NAA16: variants seen among roughly 807,000 people sequenced by gnomAD.
NAA16 encodes the protein N-alpha-acetyltransferase 16, NatA auxiliary subunit, also known as NARG1-like protein.
A neutral mutation model predicts 110.3 loss-of-function variants in NAA16; 97 were observed. That is an observed-to-expected ratio of 0.88 (90% CI 0.75 to 1.04). The LOEUF (loss-of-function observed/expected upper bound fraction) is 1.04. Among genes scored for constraint, NAA16 ranks in the 50% least tolerant of loss-of-function variants. The pLI, the probability that NAA16 is intolerant of heterozygous loss-of-function variation, is 0.00. For synonymous variants in NAA16, 372 were observed against 330.6 expected (o/e 1.13, Z -1.36); for missense variants, 1,017 against 1,005.1 (o/e 1.01, Z -0.16).
chr13:41,325,780 A>G lies in NAA16; in HGVS notation c.620A>G (p.Gln207Arg). ...NQVMREADLLQESLEHIEMYE... is the reference protein window; with the variant it reads ...NQVMREADLLRESLEHIEMYE... Reference sequence around the variant, plus strand: ...GTGATGAGAGAGGCAGATCTGTTGCAGGAATCTTTGGAACATATAGAAATG... The same window carrying G: ...GTGATGAGAGAGGCAGATCTGTTGCGGGAATCTTTGGAACATATAGAAATG... The change falls in exon 6 of 20, where the codon CAG (glutamine) becomes CGG (arginine). Residue 207 changes from glutamine to arginine, a missense_variant. Transcript: ENST00000379406. The G allele has an allele frequency of 6.2e-7, 1 of 1,608,486 alleles. No homozygotes were observed. The highest frequency in any genetic ancestry group is 8.5e-7 in the Non-Finnish European group (1 of 1,175,556).
intron 9 of NAA16, among the ~76,000 whole-genome samples, chr13:41,350,617 T>G (rs1408995980): frequency 3.1e-4 from 7 of 22,740 alleles, no homozygotes; most frequent in African/African-American, 7.6e-4. Context: ...GTTTTTTTTT[T>G]TTGTTTGTTT....
chr13:41,367,052 T>A (rs1201537508), intron 13 of NAA16, among the ~76,000 whole-genome samples: 2 of 152,202 alleles, frequency 1.3e-5, no homozygotes, highest in Non-Finnish European at 2.9e-5. Flanking sequence ...AACCTACACA[T>A]ATTTAGTCTT....
At chr13:41,338,587 G>C (rs2042445496) in intron 9 of NAA16, among the ~76,000 whole-genome samples, 1 of 152,134 alleles carries the variant, frequency 6.6e-6, no homozygotes, top group Non-Finnish European at 1.5e-5. Flanking sequence ...TTGAGCTCCA[G>C]TTATCTGAAT....
chr13:41,353,541 G>T (rs376183359), intron 9 of NAA16, among the ~76,000 whole-genome samples: 128 of 151,174 alleles, frequency 8.5e-4, no homozygotes, highest in African/African-American at 2.9e-3. Flanking sequence ...GAGGCGGGAG[G>T]ATTGCTTGAG....
At chr13:41,359,540 A>G (rs1240873555) in intron 12 of NAA16, among the ~76,000 whole-genome samples, 2 of 152,222 alleles carry the variant, frequency 1.3e-5, no homozygotes, top group Non-Finnish European at 2.9e-5. Flanking sequence ...GCTCAGAAAC[A>G]GATTTCACAC....
In NAA16 at chr13:41,332,666, AAT is replaced by A. The variant is rs1163643935; in HGVS notation, c.907+1299_907+1300del. 5.0e-4 allele frequency among the ~76,000 whole-genome samples: 76 copies of A among 152,346 alleles called. 1 individual carries two copies. The highest frequency in any genetic ancestry group is 1.8e-3 in the African/African-American group (73 of 41,584). On this transcript the variant is annotated intron_variant, in intron 8 of 19. Transcript: ENST00000379406. Reference sequence around the variant, plus strand: ...GACACAAGTCAGAGTCTAGAAAGCTAATACAACTTAAAAGTATTCTGGAGAGG... The same window carrying A: ...GACACAAGTCAGAGTCTAGAAAGCTAACAACTTAAAAGTATTCTGGAGAGG...
In NAA16 at chr13:41,328,802, AT is replaced by A. The variant is rs1194780309; in HGVS notation, c.772del (p.Trp258GlyfsTer16). On this transcript the variant is annotated frameshift_variant, in exon 7 of 20. Coordinates refer to ENST00000379406, the MANE Select transcript of NAA16 (RefSeq NM_024561.5). LOFTEE classifies it high-confidence loss of function. ...AACTTGATTGATCGAAATGCAGAAA[AT>A]TGGTGTTATTATGAAGGCTTGGAAA... Reference protein sequence around the residue: ...FKNLIDRNAENWCYYEGLEKA... With the variant: ...FKNLIDRNAEXWCYYEGLEKA... 1.2e-6 allele frequency: 2 copies of A among 1,607,500 alleles called. No homozygotes were observed. The highest frequency in any genetic ancestry group is 1.7e-6 in the Non-Finnish European group (2 of 1,174,602).
At chr13:41,368,891 G>A (rs903713422) in intron 14 of NAA16, among the ~76,000 whole-genome samples, 199 bp from the exon 15 acceptor site, 3 of 152,084 alleles carry the variant, frequency 2.0e-5, no homozygotes, top group African/African-American at 4.8e-5. Context: ...GTATACAGGA[G>A]GATGTACATA....
At chr13:41,374,498 G>T (rs1438278564) in intron 18 of NAA16, 5 of 289,660 alleles carry the variant, frequency 1.7e-5, no homozygotes, top group Non-Finnish European at 2.6e-5. Context: ...TGTGAAGGAA[G>T]AAGCTCTGAT....
At chr13:41,373,090 TA>T in intron 17 of NAA16, 1 of 903,458 alleles carries the variant, frequency 1.1e-6, no homozygotes. Flanking sequence ...AGCAAAATAA[TA>T]ATAATTTACA....
intron 18 of NAA16, among the ~76,000 whole-genome samples, chr13:41,374,122 G>C (rs1191400696): frequency 6.6e-6 from 1 of 151,318 alleles, no homozygotes; most frequent in Non-Finnish European, 1.5e-5. Context: ...TTTGGGGTGT[G>C]TGGTTATAAA....
intron 9 of NAA16, among the ~76,000 whole-genome samples, chr13:41,338,543 A>C (rs1473600808): frequency 6.6e-6 from 1 of 152,194 alleles, no homozygotes; most frequent in Non-Finnish European, 1.5e-5. Context: ...CAGAACACCA[A>C]GTGTGTTTGC....
At chr13:41,318,979 A>G (rs945691462) in intron 3 of NAA16, 69 bp downstream of exon 3, 4 of 891,892 alleles carry the variant, frequency 4.5e-6, no homozygotes, top group African/African-American at 1.7e-5. Flanking sequence ...TTAAATTTGT[A>G]CTATGAAAAT....
intron 19 of NAA16, 25 bp from the exon 20 acceptor site, chr13:41,375,380 T>C (rs2043409179): frequency 6.5e-7 from 1 of 1,544,974 alleles, no homozygotes; most frequent in African/African-American, 1.4e-5. Flanking sequence ...TTTAAATAAT[T>C]TGTGTTTTCC....
At chr13:41,329,403 G>A (rs2042175665) in intron 7 of NAA16, among the ~76,000 whole-genome samples, 1 of 151,642 alleles carries the variant, frequency 6.6e-6, no homozygotes, top group African/African-American at 2.4e-5. Context: ...TCATAATTAA[G>A]TGTTGGCAGG....
Position 41,311,384 on chromosome 13 carries a change from CCAATTGCA to C in NAA16, c.-144_-137del. 1 of 725,046 alleles carries C rather than the reference CCAATTGCA, an allele frequency of 1.4e-6. No individual in the cohort carries two copies. The highest frequency in any genetic ancestry group is 2.9e-5 in the East Asian group (1 of 34,528). The allele number at this position is 725,046 out of a possible 1,614,324, so 44.9% of individuals were successfully genotyped here. A position where few individuals can be genotyped will look rare whatever the true frequency, so the allele number is the denominator to read the frequency against. Reference sequence around the variant, plus strand: ...CACCCGTGCCGAACAGCCAGGCTGCCCAATTGCAACTGTAGACCAATGAACTAATCCAT... The same window carrying C: ...CACCCGTGCCGAACAGCCAGGCTGCCACTGTAGACCAATGAACTAATCCAT... On this transcript the variant is annotated 5_prime_UTR_variant, in exon 1 of 20. Transcript: ENST00000379406.
At chr13:41,356,119 A>T (rs960995370) in intron 10 of NAA16, among the ~76,000 whole-genome samples, 1 of 152,198 alleles carries the variant, frequency 6.6e-6, no homozygotes, top group Non-Finnish European at 1.5e-5. Context: ...GGCAAGGACT[A>T]CAGGCGTGTG....
intron 1 of NAA16, among the ~76,000 whole-genome samples, chr13:41,314,886 A>G (rs575071172): frequency 4.6e-5 from 7 of 152,282 alleles, no homozygotes; most frequent in African/African-American, 9.6e-5. Flanking sequence ...AGTCCTTCCT[A>G]TCCACTCAGG....
chr13:41,348,199 A>G (rs1393930458), intron 9 of NAA16, among the ~76,000 whole-genome samples: 3 of 151,670 alleles, frequency 2.0e-5, no homozygotes, highest in South Asian at 2.1e-4. Context: ...ATGCAATCTC[A>G]CTCTGTCACC....
Sources: gnomAD v4.1 joint callset for allele counts (sites outside exome capture counted in the v4.1 genomes callset) on GRCh38, gnomAD v4.1.1 for gene constraint, MANE v1.5 for transcripts, NCBI Gene and HGNC (gene_info 2026-07-23, HGNC 2026-07-21) for gene names.